Variants in BRINP3 observed in about 807,000 individuals in gnomAD.
BRINP3 encodes BMP/retinoic acid-inducible neural-specific protein 3.
BRINP3 carries 19 observed loss-of-function variants against 71.0 expected under a neutral mutation model. The ratio of observed to expected loss-of-function variants is 0.27; its 90% CI spans 0.19 to 0.39. The LOEUF (loss-of-function observed/expected upper bound fraction) is 0.39. BRINP3 is among the 10% of genes least tolerant of loss of function. BRINP3 has a pLI of 1.00. For missense variants in BRINP3, 959 were observed against 940.8 expected (o/e 1.02, Z -0.25); for synonymous variants, 380 against 337.7 (o/e 1.13, Z -1.37).
intron 1 of BRINP3, among the ~76,000 whole-genome samples, chr1:190,458,992 A>T (rs180896632): frequency 6.6e-6 from 1 of 152,062 alleles, no homozygotes; most frequent in East Asian, 1.9e-4. Flanking sequence ...ACAATACAAA[A>T]TTAAAAACAT....
At chr1:190,444,992 A>G (rs998579867) in intron 2 of BRINP3, among the ~76,000 whole-genome samples, 1 of 152,200 alleles carries the variant, frequency 6.6e-6, no homozygotes, top group African/African-American at 2.4e-5. Flanking sequence ...CAGTAAGAGA[A>G]GCAAGTTCAT....
At chr1:190,145,845 A>C (rs1359615589) in intron 7 of BRINP3, among the ~76,000 whole-genome samples, 15 of 152,206 alleles carry the variant, frequency 9.9e-5, no homozygotes, top group Non-Finnish European at 2.9e-5. Context: ...ACATATATAC[A>C]CACATACCAT....
intron 6 of BRINP3, among the ~76,000 whole-genome samples, chr1:190,212,301 AG>A (rs942450960): frequency 3.3e-5 from 5 of 152,122 alleles, no homozygotes; most frequent in Admixed American, 2.0e-4. Flanking sequence ...AAATTTTAAG[AG>A]ATTAAATGAC....
chr1:190,296,276 T>C (rs960603371), intron 2 of BRINP3, among the ~76,000 whole-genome samples: 9 of 151,980 alleles, frequency 5.9e-5, no homozygotes, highest in African/African-American at 1.9e-4. Flanking sequence ...TATACATGGA[T>C]AATAAATATG....
At chr1:190,138,909 C>T (rs1172936416) in intron 7 of BRINP3, among the ~76,000 whole-genome samples, 2 of 152,092 alleles carry the variant, frequency 1.3e-5, no homozygotes, top group South Asian at 4.1e-4. Context: ...ATGGCGGCAG[C>T]AGGGACAGGC....
intron 7 of BRINP3, among the ~76,000 whole-genome samples, chr1:190,147,532 T>G (rs559558034): frequency 6.6e-6 from 1 of 152,326 alleles, no homozygotes; most frequent in African/African-American, 2.4e-5. Context: ...CAGAAAATTC[T>G]TCAGTCATAT....
intron 3 of BRINP3, among the ~76,000 whole-genome samples, chr1:190,276,634 CA>C (rs1296338722): frequency 6.7e-6 from 1 of 148,630 alleles, no homozygotes; most frequent in Non-Finnish European, 1.5e-5. Context: ...GTTTTACATA[CA>C]CACACACACA....
At chr1:190,403,679 A>G (rs970906263) in intron 2 of BRINP3, among the ~76,000 whole-genome samples, 1 of 152,176 alleles carries the variant, frequency 6.6e-6, no homozygotes, top group African/African-American at 2.4e-5. Flanking sequence ...TTCTAGAGAA[A>G]ACTGAGAAAA....
intron 6 of BRINP3, among the ~76,000 whole-genome samples, chr1:190,212,698 G>T (rs1468750668): frequency 6.6e-6 from 1 of 152,028 alleles, no homozygotes; most frequent in Non-Finnish European, 1.5e-5. Flanking sequence ...CATAAGTAAT[G>T]CGAATTAGCT....
At chr1:190,371,174 G>A (rs960529479) in intron 2 of BRINP3, among the ~76,000 whole-genome samples, 5 of 152,116 alleles carry the variant, frequency 3.3e-5, no homozygotes, top group African/African-American at 4.8e-5. Context: ...AAAACATTTA[G>A]TTTGATGCAA....
At chr1:190,396,546 C>T (rs530758183) in intron 2 of BRINP3, among the ~76,000 whole-genome samples, 166 of 151,460 alleles carry the variant, frequency 1.1e-3, no homozygotes, top group African/African-American at 3.0e-3. Context: ...GAAACCCATC[C>T]AACCAGTTCT....
intron 7 of BRINP3, among the ~76,000 whole-genome samples, chr1:190,140,944 TACAA>T (rs887464729): frequency 5.3e-5 from 8 of 152,116 alleles, no homozygotes; most frequent in Admixed American, 2.6e-4. Flanking sequence ...CGGGAAAACT[TACAA>T]ACAGAGAGGC....
At chr1:190,176,755 C>G (rs1352987095) in intron 6 of BRINP3, among the ~76,000 whole-genome samples, 1 of 152,082 alleles carries the variant, frequency 6.6e-6, no homozygotes, top group Admixed American at 6.6e-5. Flanking sequence ...AAGACCACAC[C>G]CTTATTGTGA....
chr1:190,351,412 G>A (rs1054608513), intron 2 of BRINP3, among the ~76,000 whole-genome samples: 4 of 152,032 alleles, frequency 2.6e-5, no homozygotes, highest in Non-Finnish European at 5.9e-5. Context: ...CTAATGGATA[G>A]TATTAACAAT....
At chr1:190,202,606 C>T (rs943330219) in intron 6 of BRINP3, among the ~76,000 whole-genome samples, 2 of 151,954 alleles carry the variant, frequency 1.3e-5, no homozygotes, top group African/African-American at 4.8e-5. Context: ...TTCCTACATG[C>T]TGTGGGAGGG....
chr1:190,474,081 A>T (rs184910781), intron 1 of BRINP3, among the ~76,000 whole-genome samples: 5 of 152,320 alleles, frequency 3.3e-5, no homozygotes, highest in Admixed American at 3.3e-4. Flanking sequence ...GCATTTCTGC[A>T]ACTGCCATCT....
At chr1:190,381,402 C>T (rs1267312288) in intron 2 of BRINP3, among the ~76,000 whole-genome samples, 1 of 152,142 alleles carries the variant, frequency 6.6e-6, no homozygotes, top group Non-Finnish European at 1.5e-5. Context: ...TGTACCAAGC[C>T]AGCCCTGAGC....
intron 6 of BRINP3, among the ~76,000 whole-genome samples, chr1:190,203,047 C>T (rs138369147): frequency 3.3e-5 from 5 of 152,136 alleles, no homozygotes; most frequent in African/African-American, 1.2e-4. Flanking sequence ...TACAAATGGG[C>T]TTAATCCATG....
Position 190,308,658 on chromosome 1 carries a change from ATTG to A in BRINP3, c.237-26911_237-26909del, listed in dbSNP as rs1665301638. Among the ~76,000 whole-genome samples the A allele has an allele frequency of 2.6e-5, 4 of 151,998 alleles. No individual in the cohort carries two copies. In the South Asian group the frequency reaches 8.3e-4, roughly 31 times the overall value. On this transcript the variant is annotated intron_variant, in intron 2 of 7. Coordinates refer to ENST00000367462, the MANE Select transcript of BRINP3 (RefSeq NM_199051.3). The stretch of plus-strand genomic sequence containing the variant: ...AAAGTATAATAATAATAAAAAAAGG[ATTG>A]TTGTTAATACAATTAAAACAACTAA...
Sources: gnomAD v4.1 joint callset for allele counts (sites outside exome capture counted in the v4.1 genomes callset) on GRCh38, gnomAD v4.1.1 for gene constraint, MANE v1.5 for transcripts, NCBI Gene and HGNC (gene_info 2026-07-23, HGNC 2026-07-21) for gene names.